Variants in NXPE2 observed in about 807,000 individuals in gnomAD.
NXPE2 encodes neurexophilin and PC-esterase domain family member 2.
In NXPE2, 34 loss-of-function variants were observed where a neutral mutation model predicts 34.4. The ratio of observed to expected loss-of-function variants is 0.99; its 90% confidence interval spans 0.75 to 1.31. The LOEUF (loss-of-function observed/expected upper bound fraction) is 1.31, where lower values mean the gene tolerates loss of function less well. Ranked by LOEUF, NXPE2 falls within the 40% of genes most tolerant of loss-of-function variation. The pLI is 0.00. For missense variants in NXPE2, 649 were observed against 672.5 expected (o/e 0.97, Z 0.39); for synonymous variants, 235 against 231.3 (o/e 1.02, Z -0.15).
chr11:114,700,597 C>T (rs17117272), intron 3 of NXPE2, among the ~76,000 whole-genome samples: 10,812 of 152,164 alleles, frequency 0.071, 605 homozygotes, highest in African/African-American at 0.14. Flanking sequence ...GGAAGTCATT[C>T]AGGGCCAGTA....
chr11:114,617,938 A>G, the NXPE2 span, among the ~76,000 whole-genome samples: 1 of 151,936 alleles, frequency 6.6e-6, no homozygotes, highest in Non-Finnish European at 1.5e-5. Context: ...GCTGCATAAT[A>G]AGTATTGCCT....
the NXPE2 span, chr11:114,521,845 C>T: frequency 1.3e-6 from 1 of 748,624 alleles, no homozygotes; most frequent in African/African-American, 1.8e-5. Flanking sequence ...TAGCCTTCCT[C>T]CCCAAACAGA....
the NXPE2 span, among the ~76,000 whole-genome samples, chr11:114,596,896 A>G: frequency 1.3e-5 from 2 of 152,212 alleles, no homozygotes; most frequent in Non-Finnish European, 2.9e-5. Context: ...GACTTAAAGA[A>G]CCAAGAGTAC....
chr11:114,780,285 C>T, the NXPE2 span, among the ~76,000 whole-genome samples: 1 of 152,224 alleles, frequency 6.6e-6, no homozygotes, highest in Non-Finnish European at 1.5e-5. Context: ...TGCTGGGCTC[C>T]TGTCTTGGGC....
chr11:114,502,340 C>A, the NXPE2 span, among the ~76,000 whole-genome samples: 1 of 152,156 alleles, frequency 6.6e-6, no homozygotes, highest in Non-Finnish European at 1.5e-5. Context: ...TCATTCTAGA[C>A]TTTCTCATTA....
At chr11:114,619,749 C>T in the NXPE2 span, among the ~76,000 whole-genome samples, 1 of 152,210 alleles carries the variant, frequency 6.6e-6, no homozygotes, top group East Asian at 1.9e-4. Context: ...TAAGTATTGC[C>T]TCTTGGGTAA....
the NXPE2 span, among the ~76,000 whole-genome samples, chr11:114,795,397 A>G: frequency 6.6e-6 from 1 of 152,202 alleles, no homozygotes; most frequent in Admixed American, 6.5e-5. Flanking sequence ...CTCAAAACAG[A>G]TCTCTTTCAG....
the NXPE2 span, among the ~76,000 whole-genome samples, chr11:114,492,796 C>T: frequency 2.0e-5 from 3 of 152,294 alleles, no homozygotes. Flanking sequence ...GCCTTGGCCT[C>T]CCAAAGTGCT....
the NXPE2 span, among the ~76,000 whole-genome samples, chr11:114,724,382 T>G: frequency 6.6e-6 from 1 of 152,294 alleles, no homozygotes; most frequent in Middle Eastern, 3.4e-3. Context: ...GGCTGCAACA[T>G]ATTGATGTTG....
At chr11:114,487,634 A>G in the NXPE2 span, among the ~76,000 whole-genome samples, 3 of 152,146 alleles carry the variant, frequency 2.0e-5, no homozygotes, top group Non-Finnish European at 4.4e-5. Flanking sequence ...TCCATTCAGT[A>G]TGATACTAGC....
At chr11:114,664,329 T>G in the NXPE2 span, among the ~76,000 whole-genome samples, 1 of 152,016 alleles carries the variant, frequency 6.6e-6, no homozygotes, top group East Asian at 1.9e-4. Context: ...CTTGTAAAGG[T>G]CTGGGATTAG....
chr11:114,526,988 CAT>C, the NXPE2 span: 1 of 152,224 alleles, frequency 6.6e-6, no homozygotes, highest in East Asian at 1.9e-4. Context: ...CCAACTTTAA[CAT>C]AAGCTCTTTT....
the NXPE2 span, among the ~76,000 whole-genome samples, chr11:114,480,018 A>G: frequency 6.6e-6 from 1 of 152,232 alleles, no homozygotes; most frequent in South Asian, 2.1e-4. Flanking sequence ...GAACTAATAG[A>G]TAACTCACTC....
At chr11:114,571,437 A>C in the NXPE2 span, 1 of 1,610,402 alleles carries the variant, frequency 6.2e-7, no homozygotes, top group Non-Finnish European at 8.5e-7. Flanking sequence ...CTGGTGTTGC[A>C]ATTTTCCAGA....
chr11:114,522,240 G>A, the NXPE2 span: 3 of 1,613,898 alleles, frequency 1.9e-6, no homozygotes, highest in South Asian at 1.1e-5. Context: ...ATAGCCTTTT[G>A]AACACCGATG....
At chr11:114,502,944 G>A in the NXPE2 span, among the ~76,000 whole-genome samples, 1 of 152,194 alleles carries the variant, frequency 6.6e-6, no homozygotes, top group Non-Finnish European at 1.5e-5. Flanking sequence ...GCTAGGAGTG[G>A]AAAAGCAGTG....
chr11:114,668,983 C>G, the NXPE2 span, among the ~76,000 whole-genome samples: 6 of 152,232 alleles, frequency 3.9e-5, no homozygotes, highest in Admixed American at 3.9e-4. Flanking sequence ...TCCCATTCCA[C>G]TCCCAGCTCT....
At chr11:114,541,892 A>G in the NXPE2 span, among the ~76,000 whole-genome samples, 1 of 152,098 alleles carries the variant, frequency 6.6e-6, no homozygotes, top group African/African-American at 2.4e-5. Flanking sequence ...CCTGCTTCTC[A>G]ATGTTTATCT....
At chr11:114,766,109 ATTC>A in the NXPE2 span, among the ~76,000 whole-genome samples, 1 of 151,890 alleles carries the variant, frequency 6.6e-6, no homozygotes, top group Admixed American at 6.6e-5. Flanking sequence ...CTGATATTTT[ATTC>A]TTCTTCATTC....
Sources: allele counts gnomAD v4.1 joint callset (sites outside exome capture counted in the v4.1 genomes callset), GRCh38; gene constraint gnomAD v4.1.1; transcripts MANE v1.5; gene names NCBI Gene and HGNC (gene_info 2026-07-23, HGNC 2026-07-21).